The following DNAAF1 variants were observed in gnomAD, a reference collection of about 807,000 sequenced individuals.
The protein encoded by DNAAF1 is dynein assembly factor 1, axonemal.
In DNAAF1, 65 loss-of-function variants were observed where a neutral mutation model predicts 71.1. The ratio of observed to expected loss-of-function variants is 0.91; its 90% confidence interval spans 0.75 to 1.12. DNAAF1 has a LOEUF of 1.12. DNAAF1 is among the 50% of genes most tolerant of loss of function. DNAAF1 has a pLI of 0.00. For synonymous variants in DNAAF1, 414 were observed against 354.6 expected, an observed-to-expected ratio of 1.17 and a Z score of -1.88; for missense variants, 1,178 against 899.8, an observed-to-expected ratio of 1.31 and a Z score of -3.96.
intron 10 of DNAAF1, chr16:84,174,927 C>T (rs1567568336): frequency 1.7e-6 from 1 of 592,908 alleles, no homozygotes; most frequent in East Asian, 3.5e-5. Context: ...GTGTTCTTGG[C>T]TCACTGCAAC....
intron 1 of DNAAF1, among the ~76,000 whole-genome samples, chr16:84,148,228 G>T (rs1047775087): frequency 6.6e-6 from 1 of 152,076 alleles, no homozygotes; most frequent in Non-Finnish European, 1.5e-5. Context: ...ACAGTGTATA[G>T]TATTGCTTTG....
intron 6 of DNAAF1, among the ~76,000 whole-genome samples, chr16:84,163,967 G>C (rs1022443357): frequency 1.3e-5 from 2 of 151,816 alleles, no homozygotes; most frequent in African/African-American, 4.8e-5. Flanking sequence ...ACCATGCCTG[G>C]CTAGTTTTTG....
chr16:84,164,440 A>C (rs902089492), intron 6 of DNAAF1, among the ~76,000 whole-genome samples: 2 of 152,010 alleles, frequency 1.3e-5, no homozygotes, highest in African/African-American at 4.8e-5. Context: ...CTCAGCCCCA[A>C]CTTCTGGCAA....
At chr16:84,174,230 C>G in intron 9 of DNAAF1, 1 of 1,049,140 alleles carries the variant, frequency 9.5e-7, no homozygotes, top group Non-Finnish European at 1.2e-6. Flanking sequence ...GACAAAGATA[C>G]CGAACAAACA....
intron 10 of DNAAF1, 131 bp from the exon 11 acceptor site, chr16:84,175,802 T>G: frequency 8.4e-7 from 1 of 1,191,458 alleles, no homozygotes; most frequent in Non-Finnish European, 1.2e-6. Context: ...TGTGTTCCCT[T>G]GGGCCTTTCT....
At chr16:84,170,422 C>A (rs529649062) in intron 8 of DNAAF1, 66 bp downstream of exon 8, 11 of 1,609,348 alleles carry the variant, frequency 6.8e-6, no homozygotes, top group Non-Finnish European at 8.5e-6. Context: ...CTTCGACTCA[C>A]GTCTCTGTGG....
rs1175389896 is a variant in DNAAF1 at position 84,165,946 on chromosome 16, A to G, written c.1027A>G (p.Arg343Gly). The stretch of plus-strand genomic sequence containing the variant: ...GAAAAGACAGAGAGAGAGTCAAGAG[A>G]GAGGTATGCGCTCGGCCGAAGACAA... The part of the protein sequence containing the change: ...ERKRQRESQE[R>G]GEMTSSDDGE... The change falls in exon 7 of 12, where the codon AGA (arginine) becomes GGA (glycine). Residue 343 changes from arginine (R) to glycine (G), a missense_variant. Coordinates refer to ENST00000378553, the MANE Select transcript of DNAAF1 (RefSeq NM_178452.6). The G allele has an allele frequency of 1.2e-6, 2 of 1,612,346 alleles. No individual in the cohort carries two copies. Among genetic ancestry groups the G allele is most frequent in the African/African-American group, 1.3e-5 (1 of 74,680 alleles).
chr16:84,148,973 G>C (rs766600580), intron 1 of DNAAF1, 34 bp from the exon 2 acceptor site: 5 of 1,613,192 alleles, frequency 3.1e-6, no homozygotes. Flanking sequence ...CATATATCTT[G>C]ATCTCTACAG....
intron 1 of DNAAF1, among the ~76,000 whole-genome samples, chr16:84,147,641 G>C (rs1282342641): frequency 6.6e-6 from 1 of 151,242 alleles, no homozygotes; most frequent in African/African-American, 2.4e-5. Flanking sequence ...TTTTTTAAAA[G>C]ACAAAAGAAC....
At chr16:84,149,200 C>T (rs1450139348) in intron 2 of DNAAF1, 58 bp downstream of exon 2, 3 of 1,597,710 alleles carry the variant, frequency 1.9e-6, no homozygotes, top group Admixed American at 3.3e-5. Context: ...ATGGCGTAAT[C>T]ACCCCCTTGT....
At chr16:84,155,417 T>G (rs1208727341) in intron 4 of DNAAF1, among the ~76,000 whole-genome samples, 166 bp from the exon 5 acceptor site, 5 of 152,094 alleles carry the variant, frequency 3.3e-5, no homozygotes, top group Admixed American at 2.0e-4. Flanking sequence ...TTTGTGGATA[T>G]GGGGTCTCAC....
intron 5 of DNAAF1, among the ~76,000 whole-genome samples, chr16:84,156,756 G>T (rs1005440251): frequency 2.6e-5 from 4 of 151,824 alleles, no homozygotes; most frequent in Non-Finnish European, 5.9e-5. Flanking sequence ...GGTTCATGCA[G>T]TTCATGCAGA....
intron 1 of DNAAF1, among the ~76,000 whole-genome samples, chr16:84,148,596 C>CTCTCTCTTTTTTTTTT: frequency 0.012 from 528 of 43,590 alleles, 19 homozygotes; most frequent in Middle Eastern, 0.044. Context: ...CTCTCTCTCT[C>CTCTCTCTTTTTTTTTT]TTTTTTTTTT....
chr16:84,165,629 TTAAA>T (rs1305476897), intron 6 of DNAAF1, among the ~76,000 whole-genome samples, 150 bp from the exon 7 acceptor site: 8 of 152,172 alleles, frequency 5.3e-5, no homozygotes, highest in African/African-American at 1.9e-4. Flanking sequence ...CTGTTCCACC[TTAAA>T]TAATAAAATT....
chr16:84,155,978 T>A (rs560181205), intron 5 of DNAAF1, among the ~76,000 whole-genome samples: 1 of 152,264 alleles, frequency 6.6e-6, no homozygotes, highest in East Asian at 1.9e-4. Context: ...ACTTTTTTTT[T>A]TTGATATAGA....
chr16:84,163,880 G>C (rs1246049412), intron 6 of DNAAF1, among the ~76,000 whole-genome samples: 5 of 149,950 alleles, frequency 3.3e-5, no homozygotes, highest in Non-Finnish European at 5.9e-5. Flanking sequence ...TTTTGTGGGG[G>C]ACAGCGTTTT....
At chr16:84,156,058 G>C (rs2087412864) in intron 5 of DNAAF1, among the ~76,000 whole-genome samples, 1 of 152,134 alleles carries the variant, frequency 6.6e-6, no homozygotes, top group South Asian at 2.1e-4. Flanking sequence ...CTGCCTCTGG[G>C]TTCAAGGAAT....
chr16:84,160,792 G>A (rs567401021), intron 6 of DNAAF1, among the ~76,000 whole-genome samples: 6 of 151,536 alleles, frequency 4.0e-5, no homozygotes, highest in African/African-American at 1.5e-4. Context: ...AAAATTAGCC[G>A]GGCGTGGTGG....
At chr16:84,149,776 G>C (rs1244749360) in intron 2 of DNAAF1, among the ~76,000 whole-genome samples, 3 of 151,162 alleles carry the variant, frequency 2.0e-5, no homozygotes, top group African/African-American at 7.3e-5. Flanking sequence ...TGTAATCCCA[G>C]TACTTTGGGA....
Sources: allele counts gnomAD v4.1 joint callset (sites outside exome capture counted in the v4.1 genomes callset), GRCh38; gene constraint gnomAD v4.1.1; transcripts MANE v1.5; gene names NCBI Gene and HGNC (gene_info 2026-07-23, HGNC 2026-07-21).